SMOC1: variants seen among roughly 807,000 people sequenced by gnomAD.
The protein encoded by SMOC1 is SPARC-related modular calcium-binding protein 1.
In SMOC1, 22 loss-of-function variants were observed where a neutral mutation model predicts 56.3. The ratio of observed to expected loss-of-function variants is 0.39; its 90% confidence interval spans 0.28 to 0.56. The LOEUF is 0.56. Among genes scored for constraint, SMOC1 ranks in the 20% least tolerant of loss-of-function variants. The pLI, the probability that SMOC1 is intolerant of heterozygous loss-of-function variation, is 0.61. For synonymous variants in SMOC1, 193 were observed against 215.0 expected (o/e 0.90, Z 0.89); for missense variants, 509 against 565.4 (o/e 0.90, Z 1.01).
intron 1 of SMOC1, among the ~76,000 whole-genome samples, chr14:69,951,252 A>T (rs1488510836): frequency 6.6e-6 from 1 of 152,214 alleles, no homozygotes; most frequent in Non-Finnish European, 1.5e-5. Flanking sequence ...TGAAGTCCCC[A>T]GACACCACTC....
intron 10 of SMOC1, among the ~76,000 whole-genome samples, chr14:70,014,391 T>C (rs73290755): frequency 3.3e-5 from 5 of 152,172 alleles, no homozygotes. Context: ...GTAGGACTTA[T>C]CTACCTATCA....
chr14:69,925,607 C>T (rs185995842), intron 1 of SMOC1, among the ~76,000 whole-genome samples: 1 of 152,288 alleles, frequency 6.6e-6, no homozygotes, highest in East Asian at 1.9e-4. Context: ...GGGGCCGGGG[C>T]TTGTGTGTCT....
chr14:69,897,658 C>T (rs1050363423), intron 1 of SMOC1, among the ~76,000 whole-genome samples: 9 of 152,166 alleles, frequency 5.9e-5, no homozygotes, highest in African/African-American at 2.2e-4. Flanking sequence ...TAACACTGTA[C>T]TACTTCATGG....
chr14:69,887,905 T>C (rs1308713988), intron 1 of SMOC1, among the ~76,000 whole-genome samples: 1 of 152,300 alleles, frequency 6.6e-6, no homozygotes, highest in East Asian at 1.9e-4. Flanking sequence ...GGCCTGTTTC[T>C]AGTTTGATGC....
At position 69,977,918 on chromosome 14, in the gene SMOC1, G is replaced by A; in HGVS notation, c.479G>A (p.Gly160Asp). ...SVQNKTPVCS[G>D]SVTDKPLSQG... ...GTTTTTGTTTCCCTTCTCACCCAAG[G>A]TTCAGTCACCGACAAGCCCTTGAGC... The change falls in exon 5 of 12, where the codon GGT becomes GAT. Residue 160 changes from glycine to aspartate, a missense_variant and splice_region_variant. This residue lies in a region of SMOC1 where 315 missense variants were observed against 333.1 expected (regional missense o/e 0.95). Transcript: ENST00000361956. 5 of 1,613,892 alleles carry A rather than the reference G, an allele frequency of 3.1e-6. No homozygotes were observed. The highest frequency in any genetic ancestry group is 3.4e-6 in the Non-Finnish European group (4 of 1,179,822).
chr14:69,907,318 A>G lies in SMOC1; in HGVS notation c.99+27541A>G, dbSNP rs150961976. The stretch of plus-strand genomic sequence containing the variant: ...TAAAAGGTAAAACCTACTACATGGA[A>G]TCTTAGATATCATCTTTTTGCCTCT... On this transcript the variant is annotated intron_variant, in intron 1 of 11. Transcript: ENST00000361956. Among the ~76,000 whole-genome samples, 22 of 152,346 alleles carry G rather than the reference A, an allele frequency of 1.4e-4. No individual in the cohort carries two copies. The East Asian group carries it at 4.2e-3, about 29-fold the overall frequency.
At chr14:69,909,118 A>T (rs566680973) in intron 1 of SMOC1, among the ~76,000 whole-genome samples, 2 of 152,128 alleles carry the variant, frequency 1.3e-5, no homozygotes, top group Non-Finnish European at 2.9e-5. Flanking sequence ...CTATACCGAA[A>T]GAACTCAGAA....
chr14:70,024,679 G>T (rs1365980373), intron 11 of SMOC1, among the ~76,000 whole-genome samples: 1 of 152,134 alleles, frequency 6.6e-6, no homozygotes, highest in Non-Finnish European at 1.5e-5. Context: ...AAGGATGTTT[G>T]TGTGACTGAA....
chr14:70,014,032 T>C (rs1477159673), intron 10 of SMOC1, among the ~76,000 whole-genome samples: 1 of 152,220 alleles, frequency 6.6e-6, no homozygotes, highest in Non-Finnish European at 1.5e-5. Context: ...GAGGCTGAAA[T>C]GCACATGCTC....
chr14:70,028,290 G>A (rs17107635), intron 11 of SMOC1, among the ~76,000 whole-genome samples: 29,290 of 151,972 alleles, frequency 0.19, 3,569 homozygotes, highest in East Asian at 0.38. Flanking sequence ...AGAACTATCC[G>A]CTCTTCTTTT....
At chr14:69,959,393 T>C (rs1032053175) in intron 3 of SMOC1, among the ~76,000 whole-genome samples, 1 of 152,196 alleles carries the variant, frequency 6.6e-6, no homozygotes, top group Non-Finnish European at 1.5e-5. Context: ...GGTTGATTAT[T>C]GGTTGTTATC....
intron 3 of SMOC1, among the ~76,000 whole-genome samples, chr14:69,972,795 TC>T (rs897224974): frequency 9.8e-5 from 15 of 152,308 alleles, no homozygotes; most frequent in Admixed American, 9.2e-4. Context: ...TTTGCTTCTG[TC>T]CCCACTAGCC....
At chr14:69,933,381 G>A (rs1301896988) in intron 1 of SMOC1, among the ~76,000 whole-genome samples, 3 of 151,350 alleles carry the variant, frequency 2.0e-5, no homozygotes, top group East Asian at 1.9e-4. Context: ...TTTTCACTAC[G>A]GTTAGTTAAC....
intron 11 of SMOC1, among the ~76,000 whole-genome samples, chr14:70,028,709 A>G (rs1886023725): frequency 6.6e-6 from 1 of 152,158 alleles, no homozygotes; most frequent in Non-Finnish European, 1.5e-5. Flanking sequence ...GAGGGAGTGG[A>G]GGAAAGGTGG....
At chr14:69,917,489 A>G (rs1303798952) in intron 1 of SMOC1, among the ~76,000 whole-genome samples, 1 of 152,234 alleles carries the variant, frequency 6.6e-6, no homozygotes, top group Non-Finnish European at 1.5e-5. Context: ...TTCTTAATCA[A>G]TGAATGACAC....
intron 1 of SMOC1, among the ~76,000 whole-genome samples, chr14:69,916,518 C>A (rs960035121): frequency 1.3e-5 from 2 of 152,242 alleles, no homozygotes; most frequent in Non-Finnish European, 2.9e-5. Flanking sequence ...ATGTAATTTT[C>A]TCCTTGGCTG....
intron 11 of SMOC1, among the ~76,000 whole-genome samples, chr14:70,025,064 G>A (rs1885874405): frequency 6.6e-6 from 1 of 152,176 alleles, no homozygotes; most frequent in Non-Finnish European, 1.5e-5. Context: ...TGCTCACTGA[G>A]ATGGGCAACA....
intron 1 of SMOC1, among the ~76,000 whole-genome samples, chr14:69,936,601 C>A (rs1462895424): frequency 6.6e-6 from 1 of 152,236 alleles, no homozygotes; most frequent in African/African-American, 2.4e-5. Context: ...CTTGTGTGGG[C>A]CATTGCCGGC....
intron 1 of SMOC1, among the ~76,000 whole-genome samples, chr14:69,923,264 C>A (rs1389572986): frequency 6.6e-6 from 1 of 152,162 alleles, no homozygotes; most frequent in Non-Finnish European, 1.5e-5. Flanking sequence ...TTACTGTGCA[C>A]CCTCCATACA....
Sources: allele counts gnomAD v4.1 joint callset (sites outside exome capture counted in the v4.1 genomes callset), GRCh38; gene constraint gnomAD v4.1.1; regional missense constraint gnomAD v4.1.1; transcripts MANE v1.5; gene names NCBI Gene and HGNC (gene_info 2026-07-23, HGNC 2026-07-21).